Variants in ALOX12 observed in about 807,000 individuals in gnomAD.
The protein encoded by ALOX12 is arachidonate 12-lipoxygenase, 12S type.
ALOX12 carries 62 observed loss-of-function variants against 85.5 expected under a neutral mutation model. That is an observed-to-expected ratio of 0.73 (90% CI 0.59 to 0.90). The LOEUF (loss-of-function observed/expected upper bound fraction) is 0.90, where lower values mean the gene tolerates loss of function less well. ALOX12 is among the 40% of genes least tolerant of loss of function. The probability of loss-of-function intolerance (pLI) is 0.00; values close to 1 mark genes in which losing one functional copy is unlikely to be tolerated. For missense variants in ALOX12, 751 were observed against 856.5 expected, an observed-to-expected ratio of 0.88 and a Z score of 1.54; for synonymous variants, 299 against 332.7, an observed-to-expected ratio of 0.90 and a Z score of 1.10.
intron 1 of ALOX12, 42 bp downstream of exon 1, chr17:6,996,294 C>A (rs1210780890): frequency 8.2e-7 from 1 of 1,221,384 alleles, no homozygotes; most frequent in Non-Finnish European, 1.0e-6. Context: ...GCGGGGACCC[C>A]GGGCCCAGGC....
intron 9 of ALOX12, among the ~76,000 whole-genome samples, chr17:7,005,626 G>A (rs544928028): frequency 1.5e-3 from 220 of 151,704 alleles, no homozygotes; most frequent in African/African-American, 3.4e-3. Context: ...GATTACAGGC[G>A]CCCGCCACCA....
chr17:7,001,349 C>G (rs1042691897), intron 7 of ALOX12: 3 of 535,078 alleles, frequency 5.6e-6, no homozygotes, highest in East Asian at 3.2e-5. Flanking sequence ...GCGCCGACCC[C>G]AAAGCAGCAG....
rs201192878 is a variant in ALOX12, at chr17:7,010,358, G to A, written c.1927G>A (p.Glu643Lys). Reference sequence around the variant, plus strand: ...GGAAAAGGAGATTACAGCCCGGAATGAGCAACTTGACTGGCCCTATGAATA... The same window carrying A: ...GGAAAAGGAGATTACAGCCCGGAATAAGCAACTTGACTGGCCCTATGAATA... ...KLEKEITARN[E>K]QLDWPYEYLK... Residue 643 changes from glutamate (E) to lysine (K), a missense_variant, in exon 14 of 14, where the codon GAG (glutamate) becomes AAG (lysine). Glu to Lys is a moderately conservative substitution (Grantham distance 56). Coordinates refer to ENST00000251535, the MANE Select transcript of ALOX12 (RefSeq NM_000697.3). 13 of 1,614,100 alleles carry A rather than the reference G, an allele frequency of 8.1e-6. No homozygotes were observed. In the Admixed American group the frequency reaches 1.0e-4, roughly 12 times the overall value.
intron 11 of ALOX12, among the ~76,000 whole-genome samples, chr17:7,007,451 T>C (rs990173409): frequency 1.3e-5 from 2 of 152,220 alleles, no homozygotes; most frequent in African/African-American, 2.4e-5. Context: ...TTATGGCGAA[T>C]CCTGGGAATG....
rs1909025386 is a variant in ALOX12 at position 7,005,929 on chromosome 17, CCT to C, written c.1323_1324del (p.Cys442SerfsTer3). 1.2e-6 allele frequency: 2 copies of C among 1,613,562 alleles called. No individual in the cohort carries two copies. The highest frequency in any genetic ancestry group is 1.7e-6 in the Non-Finnish European group (2 of 1,179,918). ...CGGCAGCTCAGCTGACCTACTGCTC[CCT>C]CTGTCCTCCTGACGACCTGGCTGAC... ...RAAAQLTYCS[L>X]CPPDDLADRG... On this transcript the variant is annotated frameshift_variant, in exon 10 of 14. Coordinates refer to ENST00000251535, the MANE Select transcript of ALOX12 (RefSeq NM_000697.3). LOFTEE classifies it high-confidence loss of function.
At position 7,005,936 on chromosome 17, in the gene ALOX12, C is replaced by T. The variant is rs1230872357; in HGVS notation, c.1327C>T (p.Pro443Ser). 2 of 1,613,538 alleles carry T rather than the reference C, an allele frequency of 1.2e-6. No individual in the cohort carries two copies. The highest frequency in any genetic ancestry group is 1.7e-5 in the Admixed American group (1 of 59,944). ...TCAGCTGACCTACTGCTCCCTCTGT[C>T]CTCCTGACGACCTGGCTGACCGGGG... Reference protein sequence around the residue: ...AAQLTYCSLCPPDDLADRGLL... With the variant: ...AAQLTYCSLCSPDDLADRGLL... The change falls in exon 10 of 14, where the codon CCT becomes TCT. Residue 443 changes from proline (P) to serine (S), a missense_variant. By Grantham distance (74) the Pro-to-Ser change is moderately conservative. Transcript: ENST00000251535.
chr17:7,010,182 G>A (rs1909316280), intron 13 of ALOX12, 56 bp downstream of exon 13: 19 of 1,598,752 alleles, frequency 1.2e-5, no homozygotes, highest in Non-Finnish European at 1.6e-5. Flanking sequence ...ACATCAGAGT[G>A]AGGGGCTGGG....
At position 7,010,396 on chromosome 17, in the gene ALOX12, C is replaced by G. The variant is rs1473354198; in HGVS notation, c.1965C>G (p.Ser655Arg). 1.9e-6 allele frequency: 3 copies of G among 1,614,218 alleles called. No individual in the cohort carries two copies. Among genetic ancestry groups the G allele is most frequent in the Non-Finnish European group, 2.5e-6 (3 of 1,180,046 alleles). ...GGCCCTATGAATATCTGAAGCCCAG[C>G]TGCATAGAGAACAGTGTCACCATCT... The part of the protein sequence containing the change: ...LDWPYEYLKP[S>R]CIENSVTI Residue 655 changes from serine to arginine, a missense_variant, in exon 14 of 14, where the codon AGC (serine) becomes AGG (arginine). Coordinates refer to ENST00000251535, the MANE Select transcript of ALOX12 (RefSeq NM_000697.3).
rs536161616 is a variant in ALOX12, at chr17:7,010,376, T to A, written c.1945T>A (p.Tyr649Asn). ...CCGGAATGAGCAACTTGACTGGCCCTATGAATATCTGAAGCCCAGCTGCAT... is the reference window on the plus strand; with the variant it reads ...CCGGAATGAGCAACTTGACTGGCCCAATGAATATCTGAAGCCCAGCTGCAT... ...TARNEQLDWP[Y>N]EYLKPSCIEN... Residue 649 changes from tyrosine to asparagine, a missense_variant, in exon 14 of 14, where the codon TAT becomes AAT. Transcript: ENST00000251535. 1 of 1,614,234 alleles carries A rather than the reference T, an allele frequency of 6.2e-7. No homozygotes were observed. Among genetic ancestry groups the A allele is most frequent in the Non-Finnish European group, 8.5e-7 (1 of 1,180,046 alleles).
intron 8 of ALOX12, 84 bp downstream of exon 8, chr17:7,001,895 A>G: frequency 4.8e-6 from 6 of 1,239,492 alleles, no homozygotes; most frequent in Non-Finnish European, 5.7e-6. Flanking sequence ...GCAGCAGCAA[A>G]AACTCTTTGT....
rs943206844 is a variant in ALOX12 at position 7,009,829 on chromosome 17, C to T, written c.1623C>T (p.Ala541=). Residue 541 remains alanine (A), a synonymous_variant, in exon 12 of 14, where the codon GCC becomes GCT. Coordinates refer to ENST00000251535, the MANE Select transcript of ALOX12 (RefSeq NM_000697.3). ...TCTTCACGTGCACTGCCCAGCATGC[C>T]GCCATCAACCAGGGCCAGGTATGGA... ...MCVFTCTAQH[A]AINQGQLDWY... The T allele has an allele frequency of 1.1e-5, 17 of 1,613,996 alleles. No individual in the cohort carries two copies. The highest frequency in any genetic ancestry group is 1.6e-4 in the Middle Eastern group (1 of 6,084).
chr17:6,997,753 A>G (rs545846523), intron 2 of ALOX12, among the ~76,000 whole-genome samples: 12 of 151,624 alleles, frequency 7.9e-5, no homozygotes, highest in South Asian at 2.1e-4. Flanking sequence ...GTAGAGATGG[A>G]GTTTCACCGT....
intron 2 of ALOX12, among the ~76,000 whole-genome samples, chr17:6,998,244 G>C (rs1348157164): frequency 6.6e-6 from 1 of 152,090 alleles, no homozygotes; most frequent in Non-Finnish European, 1.5e-5. Flanking sequence ...GGGAAGATGA[G>C]TGAAGGAGCA....
intron 8 of ALOX12, chr17:7,002,695 A>C (rs1045259918): frequency 2.2e-4 from 70 of 312,552 alleles, no homozygotes; most frequent in Non-Finnish European, 3.5e-4. Context: ...TGCTGGGAGA[A>C]GGCAAAATAA....
intron 2 of ALOX12, 178 bp downstream of exon 2, chr17:6,997,205 T>C (rs554860166): frequency 2.1e-6 from 2 of 934,990 alleles, no homozygotes; most frequent in Admixed American, 6.2e-5. Context: ...ATTCCCAAAG[T>C]TTTACACAGG....
At position 7,000,560 on chromosome 17, in the gene ALOX12, T is replaced by C; in HGVS notation, c.951+81T>C. The C allele has an allele frequency of 6.5e-7, 1 of 1,536,716 alleles. No individual in the cohort carries two copies. The highest frequency in any genetic ancestry group is 1.8e-5 in the Admixed American group (1 of 55,350). On this transcript the variant is annotated intron_variant, in intron 7 of 13. Transcript: ENST00000251535. The surrounding 1 kb of genome is among the most constrained non-coding windows in gnomAD (Gnocchi z 4.6). ...TCCCAGGGACCCAACCCCCAGCTCT[T>C]GGCTCCCAAACCCCATCCTCACTCA...
chr17:7,002,040 G>A (rs536172124), intron 8 of ALOX12: 6 of 550,702 alleles, frequency 1.1e-5, no homozygotes, highest in African/African-American at 5.7e-5. Flanking sequence ...CTAGCAGTGC[G>A]CTCACAGTAG....
rs781650751 is a variant in ALOX12 at position 7,005,338 on chromosome 17, G to C, written c.1243G>C (p.Asp415His). ...ACTCATCTCAGATGGAGGAATTTTT[G>C]ATAAGGTGAGGAGGGTACGGGGCAT... Reference protein sequence around the residue: ...TQLISDGGIFDKAVSTGGGGH... With the variant: ...TQLISDGGIFHKAVSTGGGGH... Residue 415 changes from aspartate (D) to histidine (H), a missense_variant, in exon 9 of 14, where the codon GAT (aspartate) becomes CAT (histidine). Asp to His is a moderately conservative substitution (Grantham distance 81). Transcript: ENST00000251535. The C allele has an allele frequency of 7.4e-6, 12 of 1,612,122 alleles. No individual in the cohort carries two copies. The Admixed American group carries it at 1.3e-4, about 18-fold the overall frequency.
chr17:7,010,156 G>A (rs771638443), intron 13 of ALOX12, 30 bp downstream of exon 13: 2 of 1,601,294 alleles, frequency 1.2e-6, no homozygotes, highest in South Asian at 1.1e-5. Flanking sequence ...AGAGGGAAAT[G>A]ACAGTTGGAA....
Sources: gnomAD v4.1 joint callset for allele counts (sites outside exome capture counted in the v4.1 genomes callset) on GRCh38, gnomAD v4.1.1 for gene constraint, Gnocchi (gnomAD v3.1) non-coding constraint, MANE v1.5 for transcripts, NCBI Gene and HGNC (gene_info 2026-07-23, HGNC 2026-07-21) for gene names.